Variants in TSGA13 observed in about 807,000 individuals in gnomAD.
TSGA13 encodes the protein testis specific 13, also known as testis-specific gene 13 protein.
TSGA13 carries 37 observed loss-of-function variants against 35.1 expected under a neutral mutation model. That is an observed-to-expected ratio of 1.05 (90% CI 0.81 to 1.39). The LOEUF (loss-of-function observed/expected upper bound fraction) is 1.39, where lower values mean the gene tolerates loss of function less well. Ranked by LOEUF, TSGA13 falls within the 40% of genes most tolerant of loss-of-function variation. TSGA13 has a pLI of 0.00. For synonymous variants in TSGA13, 124 were observed against 121.2 expected (o/e 1.02, Z -0.15); for missense variants, 338 against 328.5 (o/e 1.03, Z -0.22).
At chr7:130,675,864 G>A (rs1554464052) in intron 5 of TSGA13, among the ~76,000 whole-genome samples, 1 of 152,128 alleles carries the variant, frequency 6.6e-6, no homozygotes, top group African/African-American at 2.4e-5. Flanking sequence ...TGGTTTTAGG[G>A]TACCAATCCA....
At position 130,668,921 on chromosome 7, in the gene TSGA13, C is replaced by T. The variant is rs1189487000; in HGVS notation, c.*93G>A. On this transcript the variant is annotated 3_prime_UTR_variant, in exon 8 of 8. Transcript: ENST00000356588. ...GGCTTGCGACCCGGGAGCCCACGCC[C>T]GCAGCAGCAGGAATGTGGTTTTATT... The T allele has an allele frequency of 3.3e-6, 5 of 1,507,026 alleles. No homozygotes were observed. The African/African-American group carries it at 4.2e-5, about 13-fold the overall frequency. The allele number at this position is 1,507,026 out of a possible 1,614,324, so 93.4% of individuals were successfully genotyped here. A position where few individuals can be genotyped will look rare whatever the true frequency, so the allele number is the denominator to read the frequency against.
chr7:130,686,713 C>T (rs1796666358), upstream of TSGA13: 1 of 151,108 alleles, frequency 6.6e-6, no homozygotes, highest in South Asian at 2.1e-4. Flanking sequence ...CACACACACA[C>T]ACACACACAC....
rs540962368 is a variant in TSGA13 at position 130,675,541 on chromosome 7, G to A, written c.388-2665C>T. On this transcript the variant is annotated intron_variant, in intron 5 of 7. Transcript: ENST00000356588. ...TAGGACTACAGGCATGTGCCACCAC[G>A]CCTGGCTAATTTTTTGTATTTTTAG... 7.9e-5 allele frequency among the ~76,000 whole-genome samples: 12 copies of A among 152,218 alleles called. No individual in the cohort carries two copies. In the East Asian group the frequency reaches 1.7e-3, roughly 22 times the overall value.
In TSGA13 at chr7:130,675,255, GT is replaced by G. The variant is rs1197023438; in HGVS notation, c.388-2380del. Among the ~76,000 whole-genome samples, 3 of 150,926 alleles carry G rather than the reference GT, an allele frequency of 2.0e-5. No homozygotes were observed. The East Asian group carries it at 5.9e-4, about 30-fold the overall frequency. On this transcript the variant is annotated intron_variant, in intron 5 of 7. Transcript: ENST00000356588. ...TATATATATATGTATATATATATGG[GT>G]TTTTTTCTACCTATAGCTTCTGCTT...
At position 130,686,439 on chromosome 7, in the gene TSGA13, A is replaced by G. The variant is rs189339411; in HGVS notation, c.-328T>C. On this transcript the variant is annotated 5_prime_UTR_variant, in exon 1 of 8. Coordinates refer to ENST00000356588, the MANE Select transcript of TSGA13 (RefSeq NM_052933.4). ...ATAAGAATGTAAAAACCTGGTGTAC[A>G]CTACCTTTAAGAACATCACGAAATC... 1 of 152,310 alleles carries G rather than the reference A, an allele frequency of 6.6e-6. No individual in the cohort carries two copies. Among genetic ancestry groups the G allele is most frequent in the East Asian group, 1.9e-4 (1 of 5,176 alleles). 9.4% of individuals were successfully genotyped at this position (152,310 alleles called of 1,614,324 possible).
intron 3 of TSGA13, among the ~76,000 whole-genome samples, chr7:130,682,077 C>T (rs1796560260): frequency 6.6e-6 from 1 of 151,602 alleles, no homozygotes; most frequent in Admixed American, 6.6e-5. Flanking sequence ...GTACCTGGGT[C>T]TAAAGGCACG....
Position 130,683,680 on chromosome 7 carries a change from A to T in TSGA13, c.24-8T>A. 1.2e-6 allele frequency: 2 copies of T among 1,613,522 alleles called. No individual in the cohort carries two copies. Among genetic ancestry groups the T allele is most frequent in the African/African-American group, 1.3e-5 (1 of 75,040 alleles). ...GATTTGCCATTTTGAAACCTGAAAA[A>T]GAGGCAGAACATCCGGTTGCACTTT... On this transcript the variant is annotated splice_region_variant and splice_polypyrimidine_tract_variant and intron_variant, in intron 2 of 7. Transcript: ENST00000356588.
At chr7:130,675,384 G>C (rs1377100541) in intron 5 of TSGA13, among the ~76,000 whole-genome samples, 6 of 150,296 alleles carry the variant, frequency 4.0e-5, no homozygotes, top group South Asian at 2.1e-4. Flanking sequence ...CTTTTTTTGG[G>C]GGGGGTGGGG....
At chr7:130,676,456 A>G (rs904361745) in intron 5 of TSGA13, among the ~76,000 whole-genome samples, 7 of 152,246 alleles carry the variant, frequency 4.6e-5, no homozygotes, top group Non-Finnish European at 8.8e-5. Context: ...CCCAGTTTAC[A>G]TGATAGCTTT....
intron 3 of TSGA13, among the ~76,000 whole-genome samples, chr7:130,681,327 G>A (rs1213886620): frequency 2.6e-5 from 4 of 152,154 alleles, no homozygotes; most frequent in Non-Finnish European, 4.4e-5. Context: ...TTCAGATTGC[G>A]ACAAATCTTT....
At chr7:130,678,546 G>C (rs1312107768) in intron 5 of TSGA13, among the ~76,000 whole-genome samples, 8 of 152,072 alleles carry the variant, frequency 5.3e-5, no homozygotes, top group African/African-American at 1.9e-4. Flanking sequence ...TTCTCAACTA[G>C]AAAGTCAGTG....
chr7:130,668,748 G>A lies in TSGA13; in HGVS notation c.*266C>T, dbSNP rs879971110. The A allele has an allele frequency of 4.1e-6, 6 of 1,460,612 alleles. No homozygotes were observed. The highest frequency in any genetic ancestry group is 5.5e-6 in the Non-Finnish European group (6 of 1,092,774). The allele number at this position is 1,460,612 out of a possible 1,614,324, so 90.5% of individuals were successfully genotyped here. ...CGGCGAGCGGAAGAGGCTGCAGGAA[G>A]GCCGGCCCCGCGCTCTCACGCCGGT... On this transcript the variant is annotated 3_prime_UTR_variant, in exon 8 of 8. Transcript: ENST00000356588.
chr7:130,674,271 C>G (rs12670281), intron 5 of TSGA13, among the ~76,000 whole-genome samples: 69 of 143,210 alleles, frequency 4.8e-4, no homozygotes, highest in Non-Finnish European at 8.6e-4. Context: ...CTCCTGGGCT[C>G]TAGTGGGTCT....
At chr7:130,674,271 C>T (rs12670281) in intron 5 of TSGA13, among the ~76,000 whole-genome samples, 1 of 143,112 alleles carries the variant, frequency 7.0e-6, no homozygotes, top group African/African-American at 2.6e-5. Context: ...CTCCTGGGCT[C>T]TAGTGGGTCT....
intron 4 of TSGA13, among the ~76,000 whole-genome samples, chr7:130,680,539 A>C (rs1262498146): frequency 1.3e-5 from 2 of 151,896 alleles, no homozygotes; most frequent in Admixed American, 1.3e-4. Flanking sequence ...AGCAGCCACA[A>C]AAGATAGCAT....
chr7:130,680,884 G>T, intron 4 of TSGA13, 62 bp downstream of exon 4: 1 of 1,438,320 alleles, frequency 7.0e-7, no homozygotes, highest in Non-Finnish European at 9.8e-7. Context: ...CTCGCAGTGG[G>T]CATCTGCACC....
At chr7:130,676,636 G>A (rs1482523157) in intron 5 of TSGA13, among the ~76,000 whole-genome samples, 2 of 152,200 alleles carry the variant, frequency 1.3e-5, no homozygotes, top group Non-Finnish European at 2.9e-5. Flanking sequence ...TCCTTTGTTA[G>A]TACATGCCAT....
intron 5 of TSGA13, among the ~76,000 whole-genome samples, chr7:130,678,922 G>A (rs6974207): frequency 6.6e-6 from 1 of 152,070 alleles, no homozygotes; most frequent in Non-Finnish European, 1.5e-5. Context: ...AGCTACTCAG[G>A]AGGCTGAGAT....
chr7:130,676,867 G>A (rs1215335430), intron 5 of TSGA13, among the ~76,000 whole-genome samples: 1 of 151,544 alleles, frequency 6.6e-6, no homozygotes, highest in Non-Finnish European at 1.5e-5. Context: ...CGCTCTTGAG[G>A]CTATCATGAC....
Sources: gnomAD v4.1 joint callset for allele counts (sites outside exome capture counted in the v4.1 genomes callset) on GRCh38, gnomAD v4.1.1 for gene constraint, MANE v1.5 for transcripts, NCBI Gene and HGNC (gene_info 2026-07-23, HGNC 2026-07-21) for gene names.